The following CTIF variants were observed in gnomAD, a reference collection of about 807,000 sequenced individuals.
The protein encoded by CTIF is CBP80/20-dependent translation initiation factor.
A neutral mutation model predicts 66.0 loss-of-function variants in CTIF; 21 were observed. That is an observed-to-expected ratio of 0.32 (90% CI 0.23 to 0.46). CTIF has a LOEUF of 0.46. Ranked by LOEUF, CTIF falls within the 20% of genes least tolerant of loss-of-function variation. The pLI is 1.00. For missense variants in CTIF, 739 were observed against 812.7 expected (o/e 0.91, Z 1.10); for synonymous variants, 345 against 326.4 (o/e 1.06, Z -0.62).
chr18:48,785,150 T>C (rs1358441195), intron 9 of CTIF, among the ~76,000 whole-genome samples: 1 of 152,192 alleles, frequency 6.6e-6, no homozygotes, highest in Non-Finnish European at 1.5e-5. Flanking sequence ...TCCTTCTTTC[T>C]TTCCTTCCTT....
At chr18:48,635,684 C>T (rs1043179253) in intron 2 of CTIF, among the ~76,000 whole-genome samples, 4 of 152,108 alleles carry the variant, frequency 2.6e-5, no homozygotes, top group Non-Finnish European at 4.4e-5. Context: ...ACTTCAGCTC[C>T]GGAGGCTACC....
chr18:48,560,793 G>A (rs565138858), intron 1 of CTIF, among the ~76,000 whole-genome samples: 1 of 151,386 alleles, frequency 6.6e-6, no homozygotes, highest in African/African-American at 2.4e-5. Flanking sequence ...GGCTGGTCAC[G>A]ATCTCCTAGG....
chr18:48,548,246 C>T (rs777696224), intron 1 of CTIF, among the ~76,000 whole-genome samples: 2 of 152,112 alleles, frequency 1.3e-5, no homozygotes, highest in African/African-American at 4.8e-5. Context: ...CTGGGGTAGG[C>T]AGTATCATGA....
intron 1 of CTIF, among the ~76,000 whole-genome samples, chr18:48,610,888 T>C (rs1293910173): frequency 6.6e-6 from 1 of 152,132 alleles, no homozygotes; most frequent in Non-Finnish European, 1.5e-5. Flanking sequence ...ATGGGATGAT[T>C]TTGGTGTCAT....
At chr18:48,680,874 C>A (rs942553381) in intron 6 of CTIF, among the ~76,000 whole-genome samples, 1 of 152,210 alleles carries the variant, frequency 6.6e-6, no homozygotes, top group Non-Finnish European at 1.5e-5. Flanking sequence ...ATTCTCCTTC[C>A]TGGCAGCGGT....
Position 48,768,906 on chromosome 18 carries a change from A to G in CTIF, c.1371+7217A>G, listed in dbSNP as rs981984584. On this transcript the variant is annotated intron_variant, in intron 9 of 11. Coordinates refer to ENST00000256413, the MANE Select transcript of CTIF (RefSeq NM_014772.3). Reference sequence around the variant, plus strand: ...GCGACAGAGTGAGACTCTAAAAAACAAAAAAGAATCCATCTCAGGAAGTCA... The same window carrying G: ...GCGACAGAGTGAGACTCTAAAAAACGAAAAAGAATCCATCTCAGGAAGTCA... 6.6e-5 allele frequency among the ~76,000 whole-genome samples: 10 copies of G among 152,196 alleles called. No individual in the cohort carries two copies. The South Asian group carries it at 1.4e-3, about 22-fold the overall frequency.
chr18:48,656,250 A>G (rs2091245557), intron 3 of CTIF, among the ~76,000 whole-genome samples: 1 of 152,244 alleles, frequency 6.6e-6, no homozygotes, highest in African/African-American at 2.4e-5. Context: ...ACTGAATAGA[A>G]TAACTGCATG....
intron 9 of CTIF, among the ~76,000 whole-genome samples, chr18:48,816,909 C>T (rs1398851508): frequency 2.6e-5 from 4 of 152,172 alleles, no homozygotes; most frequent in African/African-American, 7.2e-5. Context: ...TGTCACCTCC[C>T]GTTCTACCTC....
At chr18:48,707,616 T>C (rs9963066) in intron 6 of CTIF, among the ~76,000 whole-genome samples, 25,281 of 150,458 alleles carry the variant, frequency 0.17, 3,367 homozygotes, top group African/African-American at 0.38. Flanking sequence ...TCCTCCTCCT[T>C]CTCCTCTTCC....
At position 48,860,742 on chromosome 18, in the gene CTIF, G is replaced by A. The variant is rs2069447618; in HGVS notation, c.*1183G>A. ...TCACTGCCCCAGCTCGGACGTAGAA[G>A]CCCAGCCCTCCGTGAGCTCTTGGGA... On this transcript the variant is annotated 3_prime_UTR_variant, in exon 12 of 12. Transcript: ENST00000256413. The A allele has an allele frequency of 6.6e-6, 1 of 152,310 alleles. No individual in the cohort carries two copies. Among genetic ancestry groups the A allele is most frequent in the African/African-American group, 2.4e-5 (1 of 41,480 alleles). 9.4% of individuals were successfully genotyped at this position (152,310 alleles called of 1,614,324 possible).
In CTIF at chr18:48,766,652, T is replaced by C. The variant is rs369037588; in HGVS notation, c.1371+4963T>C. Among the ~76,000 whole-genome samples the C allele has an allele frequency of 7.9e-5, 12 of 152,346 alleles. No individual in the cohort carries two copies. The South Asian group carries it at 1.0e-3, about 13-fold the overall frequency. ...CGAACTGGTTCATCGCGGCCACTTA[T>C]GAATCAGCTGGCTCTGCCTGTCATG... On this transcript the variant is annotated intron_variant, in intron 9 of 11. Coordinates refer to ENST00000256413, the MANE Select transcript of CTIF (RefSeq NM_014772.3).
chr18:48,569,774 C>T (rs939827840), intron 1 of CTIF, among the ~76,000 whole-genome samples: 4 of 152,168 alleles, frequency 2.6e-5, no homozygotes, highest in Non-Finnish European at 4.4e-5. Flanking sequence ...TGCTCTAGGT[C>T]AGTGTGCACA....
chr18:48,860,030 C>T lies in CTIF; in HGVS notation c.*471C>T. On this transcript the variant is annotated 3_prime_UTR_variant, in exon 12 of 12. Coordinates refer to ENST00000256413, the MANE Select transcript of CTIF (RefSeq NM_014772.3). The stretch of plus-strand genomic sequence containing the variant: ...CCCGCATGCTGTCAGCCGCAGTCGC[C>T]AACTGGCAGCAGGCGACGTGTAGCA... The T allele has an allele frequency of 2.3e-6, 1 of 439,664 alleles. No homozygotes were observed. Among genetic ancestry groups the T allele is most frequent in the South Asian group, 1.6e-5 (1 of 62,752 alleles). The allele number at this position is 439,664 out of a possible 1,614,324, so 27.2% of individuals were successfully genotyped here.
intron 2 of CTIF, among the ~76,000 whole-genome samples, chr18:48,622,985 G>A (rs189553327): frequency 6.6e-6 from 1 of 152,378 alleles, no homozygotes; most frequent in African/African-American, 2.4e-5. Flanking sequence ...ATGCGTGGCT[G>A]ATGGTAGAAT....
intron 10 of CTIF, among the ~76,000 whole-genome samples, chr18:48,831,641 AAC>A (rs1240056279): frequency 6.6e-6 from 1 of 152,260 alleles, no homozygotes; most frequent in Non-Finnish European, 1.5e-5. Flanking sequence ...CCTATGGAGC[AAC>A]ATGGCCAGTA....
chr18:48,592,050 T>G (rs1054037993), intron 1 of CTIF, among the ~76,000 whole-genome samples: 1 of 152,176 alleles, frequency 6.6e-6, no homozygotes, highest in Non-Finnish European at 1.5e-5. Flanking sequence ...CTATGCCTGG[T>G]CAGTGCTGTG....
intron 2 of CTIF, among the ~76,000 whole-genome samples, chr18:48,633,232 C>T (rs936883115): frequency 5.3e-5 from 8 of 152,188 alleles, no homozygotes; most frequent in African/African-American, 1.9e-4. Flanking sequence ...CATGTTCCCT[C>T]CAGCCAGTGG....
In CTIF at chr18:48,652,746, T is replaced by C. The variant is rs372646096; in HGVS notation, c.253-11006T>C. Among the ~76,000 whole-genome samples, 14 of 152,274 alleles carry C rather than the reference T, an allele frequency of 9.2e-5. No individual in the cohort carries two copies. In the East Asian group the frequency reaches 2.3e-3, roughly 25 times the overall value. On this transcript the variant is annotated intron_variant, in intron 3 of 11. Transcript: ENST00000256413. ...AATCCTCAATAAAATACTGGCAAAC[T>C]GAATCCAGCAGCATATCAAAAAGCT...
chr18:48,650,437 T>C (rs2091135046), intron 3 of CTIF, among the ~76,000 whole-genome samples: 2 of 152,014 alleles, frequency 1.3e-5, no homozygotes, highest in Admixed American at 6.6e-5. Flanking sequence ...GAAAAAAGAA[T>C]AAAAAGAAAC....
Sources: allele counts gnomAD v4.1 joint callset (sites outside exome capture counted in the v4.1 genomes callset), GRCh38; gene constraint gnomAD v4.1.1; transcripts MANE v1.5; gene names NCBI Gene and HGNC (gene_info 2026-07-23, HGNC 2026-07-21).